GPR26: variants seen among roughly 807,000 people sequenced by gnomAD.
The protein encoded by GPR26 is G protein-coupled receptor 26.
In GPR26, 15 loss-of-function variants were observed where a neutral mutation model predicts 23.1. That is an observed-to-expected ratio of 0.65 (90% CI 0.43 to 1.00). The LOEUF (loss-of-function observed/expected upper bound fraction) is 1.00, where lower values mean the gene tolerates loss of function less well. Ranked by LOEUF, GPR26 falls within the 50% of genes least tolerant of loss-of-function variation. The pLI, the probability that GPR26 is intolerant of heterozygous loss-of-function variation, is 0.00. For synonymous variants in GPR26, 228 were observed against 222.1 expected, an observed-to-expected ratio of 1.03 and a Z score of -0.24; for missense variants, 359 against 470.5, an observed-to-expected ratio of 0.76 and a Z score of 2.19.
At chr10:123,678,638 T>G (rs1333297921) in intron 2 of GPR26, among the ~76,000 whole-genome samples, 1 of 152,192 alleles carries the variant, frequency 6.6e-6, no homozygotes, top group Non-Finnish European at 1.5e-5. Context: ...CCACATGGCT[T>G]CCACAATGTC....
chr10:123,692,485 G>C lies in GPR26; in HGVS notation c.*4325G>C, dbSNP rs1845499233. 1 of 152,324 alleles carries C rather than the reference G, an allele frequency of 6.6e-6. No homozygotes were observed. The highest frequency in any genetic ancestry group is 6.5e-5 in the Admixed American group (1 of 15,292). The allele number at this position is 152,324 out of a possible 1,614,324, so 9.4% of individuals were successfully genotyped here. The stretch of plus-strand genomic sequence containing the variant: ...GTGGCTGACCCTTCCAGGTCACTTG[G>C]AGCAGCCAGTAATGACAGTGTCCTA... On this transcript the variant is annotated 3_prime_UTR_variant, in exon 3 of 3. Coordinates refer to ENST00000284674, the MANE Select transcript of GPR26 (RefSeq NM_153442.4).
At chr10:123,683,653 C>G (rs1234918269) in intron 2 of GPR26, among the ~76,000 whole-genome samples, 2 of 152,178 alleles carry the variant, frequency 1.3e-5, no homozygotes, top group Non-Finnish European at 2.9e-5. Context: ...AGCTTCCTAT[C>G]TCCATCAGCC....
chr10:123,688,240 G>C lies in GPR26; in HGVS notation c.*80G>C. 2 of 846,182 alleles carry C rather than the reference G, an allele frequency of 2.4e-6. No homozygotes were observed. Among genetic ancestry groups the C allele is most frequent in the Non-Finnish European group, 3.8e-6 (2 of 525,574 alleles). The allele number at this position is 846,182 out of a possible 1,614,324, so 52.4% of individuals were successfully genotyped here. On this transcript the variant is annotated 3_prime_UTR_variant, in exon 3 of 3. Coordinates refer to ENST00000284674, the MANE Select transcript of GPR26 (RefSeq NM_153442.4). ...GGGAGGGCGTGGGGGCCCCTGGGTG[G>C]ACACCACCAGCCACCAGTCCCTGGC...
intron 1 of GPR26, among the ~76,000 whole-genome samples, chr10:123,669,301 C>T (rs187437509): frequency 5.3e-5 from 8 of 152,342 alleles, no homozygotes; most frequent in Admixed American, 2.6e-4. Context: ...GGTTGATCCC[C>T]GCCAAGCATG....
intron 2 of GPR26, among the ~76,000 whole-genome samples, chr10:123,683,976 C>T (rs140321012): frequency 8.5e-5 from 13 of 152,322 alleles, no homozygotes; most frequent in African/African-American, 2.6e-4. Context: ...GTGTCAGAAT[C>T]CCCTGACATG....
At chr10:123,671,813 TA>T (rs1274946349) in intron 1 of GPR26, among the ~76,000 whole-genome samples, 16 of 152,312 alleles carry the variant, frequency 1.1e-4, no homozygotes, top group African/African-American at 3.6e-4. Flanking sequence ...GGGCATGTTG[TA>T]AACTTCCCAG....
At chr10:123,679,895 C>T (rs1845350389) in intron 2 of GPR26, among the ~76,000 whole-genome samples, 1 of 152,224 alleles carries the variant, frequency 6.6e-6, no homozygotes, top group South Asian at 2.1e-4. Flanking sequence ...CTCCTGGACT[C>T]CCATCAGCCC....
At chr10:123,673,190 G>A (rs1481635480) in intron 1 of GPR26, among the ~76,000 whole-genome samples, 1 of 152,128 alleles carries the variant, frequency 6.6e-6, no homozygotes, top group Admixed American at 6.5e-5. Context: ...AAAAGTCAGG[G>A]GGAAAAATCT....
At chr10:123,678,682 G>GC (rs1845334874) in intron 2 of GPR26, among the ~76,000 whole-genome samples, 1 of 152,100 alleles carries the variant, frequency 6.6e-6, no homozygotes, top group South Asian at 2.1e-4. Context: ...GTGGCTGGGC[G>GC]CCCCCCTCCA....
chr10:123,684,680 G>A (rs1315937307), intron 2 of GPR26, among the ~76,000 whole-genome samples: 1 of 152,170 alleles, frequency 6.6e-6, no homozygotes, highest in Non-Finnish European at 1.5e-5. Context: ...GTGTTCACAC[G>A]GCACTCACCC....
intron 2 of GPR26, among the ~76,000 whole-genome samples, chr10:123,685,649 A>G (rs916921671): frequency 6.6e-6 from 1 of 152,224 alleles, no homozygotes; most frequent in Non-Finnish European, 1.5e-5. Flanking sequence ...GCAAGTGACA[A>G]AAGTTCCAGA....
At position 123,666,839 on chromosome 10, in the gene GPR26, G is replaced by A; in HGVS notation, c.432G>A (p.Leu144=). ...CCTTCCCAGCCGCCGCGCTCGCCCTGTCCTGGCTCGGCTTCCACCAGCTGT... is the reference window on the plus strand; with the variant it reads ...CCTTCCCAGCCGCCGCGCTCGCCCTATCCTGGCTCGGCTTCCACCAGCTGT... ...ALTFPAAALA[L]SWLGFHQLYA... is the part of the protein sequence containing the mutation. Residue 144 remains leucine, a synonymous_variant, in exon 1 of 3, where the codon CTG becomes CTA. Transcript: ENST00000284674. 1 of 1,610,678 alleles carries A rather than the reference G, an allele frequency of 6.2e-7. No individual in the cohort carries two copies. The highest frequency in any genetic ancestry group is 8.5e-7 in the Non-Finnish European group (1 of 1,178,818).
intron 2 of GPR26, among the ~76,000 whole-genome samples, chr10:123,677,828 CG>C (rs567422657): frequency 0.013 from 1,909 of 152,164 alleles, 25 homozygotes; most frequent in Non-Finnish European, 0.019. Context: ...CTGTCCAGCA[CG>C]GGGGCCACCA....
At position 123,666,496 on chromosome 10, in the gene GPR26, T is replaced by G; in HGVS notation, c.89T>G (p.Leu30Arg). ...LLSNALVLLC[L>R]LHSADIRRQA... Reference sequence around the variant, plus strand: ...TCCAACGCGCTGGTGCTGCTCTGCCTGCTGCACAGCGCGGACATCCGCCGC... The same window carrying G: ...TCCAACGCGCTGGTGCTGCTCTGCCGGCTGCACAGCGCGGACATCCGCCGC... Residue 30 changes from leucine (L) to arginine (R), a missense_variant, in exon 1 of 3, where the codon CTG (leucine) becomes CGG (arginine). Leu to Arg is a moderately radical substitution (Grantham distance 102). Transcript: ENST00000284674. The G allele has an allele frequency of 6.4e-7, 1 of 1,570,706 alleles. No homozygotes were observed. The highest frequency in any genetic ancestry group is 8.6e-7 in the Non-Finnish European group (1 of 1,162,706).
At chr10:123,671,513 G>T (rs1193260209) in intron 1 of GPR26, among the ~76,000 whole-genome samples, 1 of 152,128 alleles carries the variant, frequency 6.6e-6, no homozygotes, top group African/African-American at 2.4e-5. Flanking sequence ...ACAGCCTTGG[G>T]ACCTCCTCCC....
chr10:123,676,462 AG>A (rs1423775806), intron 2 of GPR26, among the ~76,000 whole-genome samples: 1 of 152,160 alleles, frequency 6.6e-6, no homozygotes, highest in African/African-American at 2.4e-5. Context: ...GCCTCTACCC[AG>A]GGGATGCCAG....
In GPR26 at chr10:123,696,204, CCTT is replaced by C. The variant is rs1269399050; in HGVS notation, c.*8049_*8051del. On this transcript the variant is annotated 3_prime_UTR_variant, in exon 3 of 3. Transcript: ENST00000284674. The stretch of plus-strand genomic sequence containing the variant: ...GACAACTTTAGCCACTCCTGTCCGT[CCTT>C]CTTCATGGAACACACTCATTTCGCC... Among the ~76,000 whole-genome samples the C allele has an allele frequency of 1.3e-5, 2 of 152,156 alleles. No individual in the cohort carries two copies. Among genetic ancestry groups the C allele is most frequent in the African/African-American group, 4.8e-5 (2 of 41,454 alleles).
chr10:123,667,920 G>C (rs998770989), intron 1 of GPR26, among the ~76,000 whole-genome samples: 1 of 152,216 alleles, frequency 6.6e-6, no homozygotes, highest in African/African-American at 2.4e-5. Context: ...GCTCACCTCA[G>C]CTTTCCCCAG....
At chr10:123,686,666 C>A (rs1845433340) in intron 2 of GPR26, among the ~76,000 whole-genome samples, 1 of 152,190 alleles carries the variant, frequency 6.6e-6, no homozygotes, top group South Asian at 2.1e-4. Context: ...AGCTCAAGCT[C>A]AGTTCTTTCT....
Sources: gnomAD v4.1 joint callset for allele counts (sites outside exome capture counted in the v4.1 genomes callset) on GRCh38, gnomAD v4.1.1 for gene constraint, MANE v1.5 for transcripts, NCBI Gene and HGNC (gene_info 2026-07-23, HGNC 2026-07-21) for gene names.